AMMECR1: variants seen among roughly 807,000 people sequenced by gnomAD.
AMMECR1 encodes AMMECR nuclear protein 1.
In AMMECR1, 3 loss-of-function variants were observed where a neutral mutation model predicts 22.5. The ratio of observed to expected loss-of-function variants is 0.13; its 90% CI spans 0.06 to 0.35. The LOEUF is 0.35. AMMECR1 is among the 10% of genes least tolerant of loss of function. AMMECR1 has a pLI of 1.00. For missense variants in AMMECR1, 235 were observed against 278.7 expected, an observed-to-expected ratio of 0.84 and a Z score of 1.12; for synonymous variants, 130 against 116.7, an observed-to-expected ratio of 1.11 and a Z score of -0.74.
At chrX:110,437,769 C>G (rs1189581793) in intron 1 of AMMECR1, among the ~76,000 whole-genome samples, 2 of 111,522 alleles carry the variant, frequency 1.8e-5, no homozygotes, top group Non-Finnish European at 3.8e-5. Flanking sequence ...TTGACCTACT[C>G]TCTCTGGGCT....
upstream of AMMECR1, among the ~76,000 whole-genome samples, chrX:110,318,417 C>CA (rs1361237750): frequency 9.0e-6 from 1 of 110,706 alleles, no homozygotes; most frequent in African/African-American, 3.3e-5. Flanking sequence ...AAACAAGAGT[C>CA]AGACAGCGGA....
At chrX:110,199,607 C>T (rs1009356424) in intron 5 of AMMECR1, among the ~76,000 whole-genome samples, 3 of 111,154 alleles carry the variant, frequency 2.7e-5, no homozygotes, top group Non-Finnish European at 3.8e-5. Flanking sequence ...ACCTTGGTCC[C>T]TTTTATCTAG....
intron 1 of AMMECR1, among the ~76,000 whole-genome samples, chrX:110,264,979 G>C: frequency 9.0e-6 from 1 of 111,484 alleles, no homozygotes; most frequent in Middle Eastern, 4.6e-3. Flanking sequence ...TAACCATTAT[G>C]GCTAACTGTG....
intron 1 of AMMECR1, among the ~76,000 whole-genome samples, chrX:110,293,570 T>C (rs1363070092): frequency 9.0e-6 from 1 of 111,305 alleles, no homozygotes; most frequent in Non-Finnish European, 1.9e-5. Context: ...CCTGTTATCC[T>C]GGCCATTCCT....
chrX:110,236,196 T>C (rs2067600175), intron 2 of AMMECR1, among the ~76,000 whole-genome samples: 1 of 111,975 alleles, frequency 8.9e-6, no homozygotes, highest in African/African-American at 3.2e-5. Flanking sequence ...AAATATGTAT[T>C]GAGTGCCTGC....
chrX:110,285,648 T>C (rs7056091), intron 1 of AMMECR1, among the ~76,000 whole-genome samples: 9,219 of 111,330 alleles, frequency 0.083, 975 homozygotes, highest in African/African-American at 0.29. Context: ...ACACTACCAA[T>C]CTCACAGGTG....
At chrX:110,326,726 C>T (rs1467000307) in intron 2 of AMMECR1, among the ~76,000 whole-genome samples, 5 of 111,876 alleles carry the variant, frequency 4.5e-5, no homozygotes, top group Non-Finnish European at 9.4e-5. Flanking sequence ...ATTCAAAGAG[C>T]AATGGAAAGA....
At position 110,197,813 on chromosome X, in the gene AMMECR1, T is replaced by G. The variant is rs895761742; in HGVS notation, c.*707A>C. On this transcript the variant is annotated 3_prime_UTR_variant, in exon 6 of 6. Transcript: ENST00000262844. ...GTCTCTTCTATGATAACCAGCACAA[T>G]AGGGATAAATGATTTCTCTCTCTCT... is the stretch of plus-strand genomic sequence containing the variant. 1 of 111,690 alleles carries G rather than the reference T, an allele frequency of 9.0e-6. No homozygotes were observed. Among genetic ancestry groups the G allele is most frequent in the Non-Finnish European group, 1.9e-5 (1 of 53,040 alleles). 9.2% of individuals were successfully genotyped at this position (111,690 alleles called of 1,213,427 possible). A position where few individuals can be genotyped will look rare whatever the true frequency, so the allele number is the denominator to read the frequency against.
chrX:110,403,955 A>C (rs2068581317), intron 2 of AMMECR1, among the ~76,000 whole-genome samples: 1 of 112,232 alleles, frequency 8.9e-6, no homozygotes, highest in African/African-American at 3.2e-5. Context: ...TCTGTTTGGC[A>C]TGTCTCCCTC....
At chrX:110,267,435 C>A (rs989979951) in intron 1 of AMMECR1, among the ~76,000 whole-genome samples, 6 of 110,094 alleles carry the variant, frequency 5.4e-5, no homozygotes, top group Admixed American at 4.8e-4. Context: ...ACAGAAGTAG[C>A]ATATGATCAT....
intron 2 of AMMECR1, among the ~76,000 whole-genome samples, chrX:110,343,499 C>G (rs1347181296): frequency 3.6e-5 from 4 of 111,013 alleles, no homozygotes; most frequent in Non-Finnish European, 7.5e-5. Flanking sequence ...CCAGGGCAAT[C>G]AGGCAGGAGA....
At chrX:110,286,179 C>G (rs1352220536) in intron 1 of AMMECR1, among the ~76,000 whole-genome samples, 1 of 111,644 alleles carries the variant, frequency 9.0e-6, no homozygotes, top group Non-Finnish European at 1.9e-5. Flanking sequence ...TACTTATGGA[C>G]ACAATGGGAC....
chrX:110,351,419 G>T, intron 2 of AMMECR1, among the ~76,000 whole-genome samples: 1 of 112,024 alleles, frequency 8.9e-6, no homozygotes, highest in East Asian at 2.8e-4. Context: ...TAGAATGAAG[G>T]GTCCAGAGAT....
intron 1 of AMMECR1, among the ~76,000 whole-genome samples, chrX:110,317,044 C>T (rs1453548668): frequency 1.8e-5 from 2 of 112,081 alleles, no homozygotes; most frequent in African/African-American, 6.5e-5. Context: ...AACCTCCCCC[C>T]TTCCCAGGGC....
chrX:110,198,739 G>C, intron 5 of AMMECR1, 105 bp from the exon 6 acceptor site: 1 of 555,012 alleles, frequency 1.8e-6, no homozygotes, highest in Non-Finnish European at 3.0e-6. Context: ...ATCAGGAAAC[G>C]GGGTCCCAGA....
Position 110,205,514 on chromosome X carries a change from G to A in AMMECR1, c.700-2978C>T, listed in dbSNP as rs188160509. Among the ~76,000 whole-genome samples the A allele has an allele frequency of 2.1e-4, 24 of 111,702 alleles. 1 individual carries two copies. Among genetic ancestry groups the A allele is most frequent in the Admixed American group, 1.8e-3 (19 of 10,516 alleles). On this transcript the variant is annotated intron_variant, in intron 3 of 5. Transcript: ENST00000262844. The stretch of plus-strand genomic sequence containing the variant: ...GCGAACCAGGGAACTGGGATTCCCC[G>A]AAGCAGATCTTTAAAACACTACCAC...
At chrX:110,298,385 C>CA (rs757342748) in intron 1 of AMMECR1, among the ~76,000 whole-genome samples, 6 of 111,250 alleles carry the variant, frequency 5.4e-5, no homozygotes, top group Non-Finnish European at 7.6e-5. Context: ...ACAATAGTAG[C>CA]ATTACCCTAA....
intron 2 of AMMECR1, among the ~76,000 whole-genome samples, chrX:110,230,189 C>A (rs2067556682): frequency 8.9e-6 from 1 of 112,792 alleles, no homozygotes; most frequent in South Asian, 3.6e-4. Flanking sequence ...TGAGAACAGA[C>A]AGACTGCCTC....
intron 2 of AMMECR1, among the ~76,000 whole-genome samples, chrX:110,246,436 C>A (rs186008960): frequency 8.9e-6 from 1 of 112,455 alleles, no homozygotes; most frequent in East Asian, 2.8e-4. Flanking sequence ...TCATTTCTCA[C>A]TTCCTTTGCA....
Sources: allele counts gnomAD v4.1 joint callset (sites outside exome capture counted in the v4.1 genomes callset), GRCh38; gene constraint gnomAD v4.1.1; transcripts MANE v1.5; gene names NCBI Gene and HGNC (gene_info 2026-07-23, HGNC 2026-07-21).